Variants in OR2Z1 observed in about 807,000 individuals in gnomAD.
OR2Z1 encodes olfactory receptor 2Z1.
For missense variants in OR2Z1, 449 were observed against 401.8 expected, an observed-to-expected ratio of 1.12 and a Z score of -1.00; for synonymous variants, 188 against 160.6, an observed-to-expected ratio of 1.17 and a Z score of -1.29.
intron 2 of OR2Z1, among the ~76,000 whole-genome samples, chr19:8,726,672 A>G (rs1555756209): frequency 1.3e-5 from 2 of 152,206 alleles, no homozygotes; most frequent in African/African-American, 4.8e-5. Context: ...TGAATGTTTT[A>G]TGCCCATTCT....
At position 8,731,791 on chromosome 19, in the gene OR2Z1, G is replaced by T. The variant is rs200115143; in HGVS notation, c.763G>T (p.Ala255Ser). The change falls in exon 3 of 3, where the codon GCC becomes TCC. Residue 255 changes from alanine (A) to serine (S), a missense_variant. By Grantham distance (99) the Ala-to-Ser change is moderately conservative. Coordinates refer to ENST00000641125, the MANE Select transcript of OR2Z1 (RefSeq NM_001004699.3). ...ITVVGLFYGA[A>S]VFMYMVPCAY... is the part of the protein sequence containing the mutation. ...GGTAGTGGGGCTCTTTTATGGTGCC[G>T]CCGTGTTCATGTACATGGTGCCTTG... 1 of 1,614,092 alleles carries T rather than the reference G, an allele frequency of 6.2e-7. No homozygotes were observed. The highest frequency in any genetic ancestry group is 8.5e-7 in the Non-Finnish European group (1 of 1,180,044).
At chr19:8,724,142 T>C (rs1415101950) in intron 2 of OR2Z1, among the ~76,000 whole-genome samples, 1 of 152,126 alleles carries the variant, frequency 6.6e-6, no homozygotes, top group Non-Finnish European at 1.5e-5. Flanking sequence ...TTGGTTACCT[T>C]CTTGCTGGTT....
At position 8,731,303 on chromosome 19, in the gene OR2Z1, C is replaced by T. The variant is rs782466581; in HGVS notation, c.275C>T (p.Thr92Ile). ...GACTTTCTGCGGGGAGAAGGTGCCA[C>T]CTCCTATGGAGGTGGTGCAGCTCAA... is the stretch of plus-strand genomic sequence containing the variant. ...ASDFLRGEGA[T>I]SYGGGAAQIF... Residue 92 changes from threonine (T) to isoleucine (I), a missense_variant, in exon 3 of 3, where the codon ACC (threonine) becomes ATC (isoleucine). By Grantham distance (89) the Thr-to-Ile change is moderately conservative. Transcript: ENST00000641125. The T allele has an allele frequency of 5.0e-6, 8 of 1,614,172 alleles. No individual in the cohort carries two copies. Among genetic ancestry groups the T allele is most frequent in the Middle Eastern group, 1.6e-4 (1 of 6,062 alleles).
At position 8,728,267 on chromosome 19, in the gene OR2Z1, T is replaced by G. The variant is rs1480797122; in HGVS notation, c.-169-2593T>G. On this transcript the variant is annotated intron_variant, in intron 2 of 2. Coordinates refer to ENST00000641125, the MANE Select transcript of OR2Z1 (RefSeq NM_001004699.3). ...GGTTGCCGAAGAGAGGAAGTATTCC[T>G]GATTTAAGTGTGCAGCTCTTCCTGG... Among the ~76,000 whole-genome samples, 6 of 152,260 alleles carry G rather than the reference T, an allele frequency of 3.9e-5. No individual in the cohort carries two copies. In the East Asian group the frequency reaches 1.2e-3, roughly 29 times the overall value.
chr19:8,731,693 T>G lies in OR2Z1; in HGVS notation c.665T>G (p.Leu222Trp), dbSNP rs1555756819. ...SLIATSYGHV[L>W]QAVLSMRSEE... ...ATCGCCACCTCCTACGGCCACGTGTTGCAGGCTGTTCTAAGCATGCGCTCA... is the reference window on the plus strand; with the variant it reads ...ATCGCCACCTCCTACGGCCACGTGTGGCAGGCTGTTCTAAGCATGCGCTCA... Residue 222 changes from leucine (L) to tryptophan (W), a missense_variant, in exon 3 of 3, where the codon TTG (leucine) becomes TGG (tryptophan). Transcript: ENST00000641125. 1 of 1,614,112 alleles carries G rather than the reference T, an allele frequency of 6.2e-7. No homozygotes were observed. Among genetic ancestry groups the G allele is most frequent in the Admixed American group, 1.7e-5 (1 of 59,974 alleles).
intron 2 of OR2Z1, among the ~76,000 whole-genome samples, chr19:8,730,217 T>C (rs140439984): frequency 1.1e-3 from 172 of 152,272 alleles, no homozygotes; most frequent in African/African-American, 3.5e-3. Flanking sequence ...TCATCACAGA[T>C]TTCTCTTTGC....
chr19:8,731,993 G>GC lies in OR2Z1; in HGVS notation c.*20_*21insC. 1 of 1,572,312 alleles carries GC rather than the reference G, an allele frequency of 6.4e-7. No individual in the cohort carries two copies. The highest frequency in any genetic ancestry group is 8.7e-7 in the Non-Finnish European group (1 of 1,147,530). On this transcript the variant is annotated 3_prime_UTR_variant, in exon 3 of 3. Coordinates refer to ENST00000641125, the MANE Select transcript of OR2Z1 (RefSeq NM_001004699.3). ...TGCTGACTACATAGAAACTGCTGGT[G>GC]AGATTCCAGCGGTCCTCGATCCCAC...
At chr19:8,729,885 C>T (rs775264144) in intron 2 of OR2Z1, among the ~76,000 whole-genome samples, 18 of 152,130 alleles carry the variant, frequency 1.2e-4, no homozygotes, top group South Asian at 2.1e-4. Context: ...CCACCATCCC[C>T]GGGCTCCAAG....
chr19:8,731,776 C>A lies in OR2Z1; in HGVS notation c.748C>A (p.Leu250Ile), dbSNP rs73489595. 108 of 1,614,226 alleles carry A rather than the reference C, an allele frequency of 6.7e-5. No individual in the cohort carries two copies. The African/African-American group carries it at 1.2e-3, about 19-fold the overall frequency. Reference sequence around the variant, plus strand: ...CTCCTCGCACATCACGGTAGTGGGGCTCTTTTATGGTGCCGCCGTGTTCAT... The same window carrying A: ...CTCCTCGCACATCACGGTAGTGGGGATCTTTTATGGTGCCGCCGTGTTCAT... ...TCSSHITVVG[L>I]FYGAAVFMYM... The change falls in exon 3 of 3, where the codon CTC becomes ATC. Residue 250 changes from leucine (L) to isoleucine (I), a missense_variant. Leu to Ile is a conservative substitution (Grantham distance 5). Coordinates refer to ENST00000641125, the MANE Select transcript of OR2Z1 (RefSeq NM_001004699.3).
Position 8,731,528 on chromosome 19 carries a change from C to T in OR2Z1, c.500C>T (p.Pro167Leu), listed in dbSNP as rs143214344. ...CAGACCTCCATCACCCTGCATTTTC[C>T]CTACTGTGCCTCCCGTATTGTGGAT... Reference protein sequence around the residue: ...SIQTSITLHFPYCASRIVDHF... With the variant: ...SIQTSITLHFLYCASRIVDHF... The change falls in exon 3 of 3, where the codon CCC becomes CTC. Residue 167 changes from proline (P) to leucine (L), a missense_variant. Transcript: ENST00000641125. 2 of 1,614,098 alleles carry T rather than the reference C, an allele frequency of 1.2e-6. No individual in the cohort carries two copies. The highest frequency in any genetic ancestry group is 3.3e-5 in the Admixed American group (2 of 60,006).
At chr19:8,723,964 CTGTT>C (rs1406683247) in intron 2 of OR2Z1, among the ~76,000 whole-genome samples, 2 of 88,996 alleles carry the variant, frequency 2.2e-5, no homozygotes, top group Non-Finnish European at 4.6e-5. Context: ...GAAGGGGAGT[CTGTT>C]TGTGTGTGTG....
intron 2 of OR2Z1, among the ~76,000 whole-genome samples, chr19:8,727,653 G>A (rs935100123): frequency 3.9e-5 from 6 of 152,332 alleles, no homozygotes; most frequent in Non-Finnish European, 7.3e-5. Context: ...GATCACTTGA[G>A]GTCAGGAGTT....
Position 8,730,998 on chromosome 19 carries a change from C to A in OR2Z1, c.-31C>A. Reference sequence around the variant, plus strand: ...GGCTTCTTGCCATAGTTCAGCTGTTCTTCCTGCAGCTAAAGTGCATTGTGT... The same window carrying A: ...GGCTTCTTGCCATAGTTCAGCTGTTATTCCTGCAGCTAAAGTGCATTGTGT... On this transcript the variant is annotated 5_prime_UTR_variant, in exon 3 of 3. Coordinates refer to ENST00000641125, the MANE Select transcript of OR2Z1 (RefSeq NM_001004699.3). 1 of 1,570,326 alleles carries A rather than the reference C, an allele frequency of 6.4e-7. No individual in the cohort carries two copies. The highest frequency in any genetic ancestry group is 8.7e-7 in the Non-Finnish European group (1 of 1,143,654).
At chr19:8,724,233 A>ATT (rs77484187) in intron 2 of OR2Z1, among the ~76,000 whole-genome samples, 39 of 150,256 alleles carry the variant, frequency 2.6e-4, no homozygotes, top group South Asian at 1.5e-3. Flanking sequence ...ACCTATGGTC[A>ATT]TTTTTTTTTA....
intron 2 of OR2Z1, chr19:8,728,881 T>G (rs556364396): frequency 1.5e-6 from 1 of 649,406 alleles, no homozygotes; most frequent in African/African-American, 1.8e-5. Flanking sequence ...TGCTGTTTGA[T>G]CTGGTGCTTG....
At chr19:8,728,761 C>T (rs1300488065) in intron 2 of OR2Z1, 4 of 603,328 alleles carry the variant, frequency 6.6e-6, no homozygotes, top group Non-Finnish European at 1.3e-5. Flanking sequence ...TTGTTGGCAA[C>T]ATCCAAAGCA....
intron 2 of OR2Z1, chr19:8,728,999 G>C: frequency 1.3e-6 from 1 of 762,400 alleles, no homozygotes; most frequent in South Asian, 1.3e-5. Flanking sequence ...GGCCAAGCTT[G>C]TTTCTCCTGG....
chr19:8,731,129 T>C lies in OR2Z1; in HGVS notation c.101T>C (p.Met34Thr), dbSNP rs2043351242. 1.2e-6 allele frequency: 2 copies of C among 1,614,108 alleles called. No individual in the cohort carries two copies. Among genetic ancestry groups the C allele is most frequent in the African/African-American group, 1.3e-5 (1 of 75,008 alleles). ...CTCCTCTTCTCCCTGGTGGCTGTCATGTTTGTCATAGGCCTTCTGGGCAAC... is the reference window on the plus strand; with the variant it reads ...CTCCTCTTCTCCCTGGTGGCTGTCACGTTTGTCATAGGCCTTCTGGGCAAC... ...RQLLFSLVAV[M>T]FVIGLLGNTV... The change falls in exon 3 of 3, where the codon ATG becomes ACG. Residue 34 changes from methionine (M) to threonine (T), a missense_variant. Met to Thr is a moderately conservative substitution (Grantham distance 81, BLOSUM62 -1). Coordinates refer to ENST00000641125, the MANE Select transcript of OR2Z1 (RefSeq NM_001004699.3).
intron 2 of OR2Z1, among the ~76,000 whole-genome samples, chr19:8,729,452 C>T (rs1227581382): frequency 6.6e-6 from 1 of 151,044 alleles, no homozygotes; most frequent in African/African-American, 2.4e-5. Context: ...GCTCGGTGGC[C>T]CAGGCTGGAG....
Sources: gnomAD v4.1 joint callset for allele counts (sites outside exome capture counted in the v4.1 genomes callset) on GRCh38, gnomAD v4.1.1 for gene constraint, MANE v1.5 for transcripts, NCBI Gene and HGNC (gene_info 2026-07-23, HGNC 2026-07-21) for gene names.